EPHA6: variants seen among roughly 807,000 people sequenced by gnomAD.
EPHA6 encodes the protein EPH receptor A6.
Under a neutral mutation model 112.0 loss-of-function variants are expected in EPHA6, and 50 were observed. That is an observed-to-expected ratio of 0.45 (90% CI 0.36 to 0.56). The LOEUF (loss-of-function observed/expected upper bound fraction) is 0.56, where lower values mean the gene tolerates loss of function less well. EPHA6 is among the 20% of genes least tolerant of loss of function. EPHA6 has a pLI of 0.00. For missense variants in EPHA6, 1,280 were observed against 1,417.4 expected, an observed-to-expected ratio of 0.90 and a Z score of 1.56; for synonymous variants, 529 against 490.7, an observed-to-expected ratio of 1.08 and a Z score of -1.03.
chr3:97,013,448 G>A, intron 3 of EPHA6, among the ~76,000 whole-genome samples: 1 of 151,874 alleles, frequency 6.6e-6, no homozygotes, highest in East Asian at 1.9e-4. Context: ...AGCAATCCTA[G>A]ATATATGTTT....
intron 3 of EPHA6, chr3:97,009,873 C>A (rs2044018848): frequency 2.4e-6 from 1 of 408,874 alleles, no homozygotes; most frequent in South Asian, 1.8e-5. Flanking sequence ...GGTAGGCCAC[C>A]ACACCACTCT....
At chr3:97,440,286 A>G (rs1199823883) in intron 6 of EPHA6, among the ~76,000 whole-genome samples, 3 of 152,116 alleles carry the variant, frequency 2.0e-5, no homozygotes, top group African/African-American at 7.2e-5. Flanking sequence ...TCTGTTGGAA[A>G]TATAAGGCCA....
rs1437537190 is a variant in EPHA6 at position 97,648,466 on chromosome 3, C to T, written c.2784+10384C>T. ...TATTTTAAAGTTGGGAGAGATTCTC[C>T]TTCACCTAATTTAGGTGTTTGTGAA... On this transcript the variant is annotated intron_variant, in intron 14 of 17. Transcript: ENST00000389672. 3.8e-6 allele frequency: 5 copies of T among 1,302,694 alleles called. No homozygotes were observed. The African/African-American group carries it at 6.1e-5, about 16-fold the overall frequency. The allele number at this position is 1,302,694 out of a possible 1,614,324, so 80.7% of individuals were successfully genotyped here. A position where few individuals can be genotyped will look rare whatever the true frequency, so the allele number is the denominator to read the frequency against.
chr3:97,090,301 T>TA (rs972188387), intron 3 of EPHA6, among the ~76,000 whole-genome samples: 3 of 152,062 alleles, frequency 2.0e-5, no homozygotes, highest in African/African-American at 7.2e-5. Context: ...CCTTTGAAAT[T>TA]AAAAAATAGA....
chr3:97,547,857 C>A (rs1435422749), intron 11 of EPHA6, among the ~76,000 whole-genome samples: 1 of 152,212 alleles, frequency 6.6e-6, no homozygotes, highest in Non-Finnish European at 1.5e-5. Flanking sequence ...GGCGTAGGAC[C>A]CTCCAAGCCA....
At chr3:97,069,093 A>T (rs1039272894) in intron 3 of EPHA6, among the ~76,000 whole-genome samples, 2 of 152,076 alleles carry the variant, frequency 1.3e-5, no homozygotes, top group African/African-American at 4.8e-5. Flanking sequence ...TTGAAAATTC[A>T]CATGTAACTT....
At chr3:97,058,217 T>A (rs148011454) in intron 3 of EPHA6, among the ~76,000 whole-genome samples, 1,691 of 152,070 alleles carry the variant, frequency 0.011, 12 homozygotes, top group African/African-American at 0.02. Context: ...GTGAAAAAAA[T>A]ATATATATAA....
At chr3:96,881,467 G>A (rs1368620259) in intron 2 of EPHA6, among the ~76,000 whole-genome samples, 4 of 152,078 alleles carry the variant, frequency 2.6e-5, no homozygotes, top group Non-Finnish European at 4.4e-5. Flanking sequence ...CATGAGAACC[G>A]TATGGGGGAA....
intron 10 of EPHA6, among the ~76,000 whole-genome samples, chr3:97,496,874 T>A (rs2091993153): frequency 6.6e-6 from 1 of 152,186 alleles, no homozygotes; most frequent in African/African-American, 2.4e-5. Context: ...ATTATTGTCA[T>A]GAAATCATTA....
intron 1 of EPHA6, among the ~76,000 whole-genome samples, chr3:96,832,636 G>A (rs1353898667): frequency 1.3e-5 from 2 of 151,922 alleles, no homozygotes; most frequent in African/African-American, 4.8e-5. Context: ...ACAATATTGT[G>A]CCCAATATTG....
At chr3:97,259,190 A>G (rs1208347564) in intron 5 of EPHA6, among the ~76,000 whole-genome samples, 1 of 152,194 alleles carries the variant, frequency 6.6e-6, no homozygotes, top group Non-Finnish European at 1.5e-5. Flanking sequence ...AAAATAAAAA[A>G]TACACCACAT....
intron 12 of EPHA6, among the ~76,000 whole-genome samples, chr3:97,608,924 A>C (rs1310373665): frequency 2.0e-5 from 3 of 151,368 alleles, no homozygotes; most frequent in African/African-American, 7.3e-5. Context: ...ACTGCCACTT[A>C]CCAGCTATTT....
chr3:97,498,011 AAAAC>A (rs527698175), intron 10 of EPHA6, among the ~76,000 whole-genome samples: 5 of 152,032 alleles, frequency 3.3e-5, no homozygotes, highest in African/African-American at 4.8e-5. Flanking sequence ...GACTGAGGTT[AAAAC>A]AAACAAACAA....
intron 14 of EPHA6, among the ~76,000 whole-genome samples, chr3:97,664,855 G>A (rs753498723): frequency 2.6e-5 from 4 of 152,200 alleles, no homozygotes; most frequent in Non-Finnish European, 4.4e-5. Context: ...CATGCTGATG[G>A]ATAGGAAGAA....
intron 3 of EPHA6, among the ~76,000 whole-genome samples, chr3:97,041,124 T>C (rs1243716647): frequency 6.6e-6 from 1 of 152,176 alleles, no homozygotes; most frequent in Non-Finnish European, 1.5e-5. Flanking sequence ...CTTTCCTCTG[T>C]ACTAACAGTC....
chr3:97,106,272 T>G (rs1002415110), intron 3 of EPHA6, among the ~76,000 whole-genome samples: 1 of 152,124 alleles, frequency 6.6e-6, no homozygotes, highest in South Asian at 2.1e-4. Flanking sequence ...CCAGTGATAC[T>G]GAGGAAACTC....
chr3:97,311,862 AAG>A (rs1281695112), intron 5 of EPHA6, among the ~76,000 whole-genome samples: 1 of 138,402 alleles, frequency 7.2e-6, no homozygotes, highest in Non-Finnish European at 1.5e-5. Context: ...AAAACAGCAA[AAG>A]AAACACCCAC....
At chr3:97,286,218 C>G (rs2080459703) in intron 5 of EPHA6, among the ~76,000 whole-genome samples, 1 of 152,136 alleles carries the variant, frequency 6.6e-6, no homozygotes, top group Non-Finnish European at 1.5e-5. Context: ...ATTTCCTTTG[C>G]TGTGCAGAAG....
At chr3:96,917,520 A>G (rs940707216) in intron 2 of EPHA6, among the ~76,000 whole-genome samples, 1 of 151,984 alleles carries the variant, frequency 6.6e-6, no homozygotes, top group African/African-American at 2.4e-5. Context: ...GAAAAAAAAT[A>G]AGCTTCCTGA....
Sources: allele counts gnomAD v4.1 joint callset (sites outside exome capture counted in the v4.1 genomes callset), GRCh38; gene constraint gnomAD v4.1.1; transcripts MANE v1.5; gene names NCBI Gene and HGNC (gene_info 2026-07-23, HGNC 2026-07-21).